The following ZNF462 variants were observed in gnomAD, a reference collection of about 807,000 sequenced individuals.
The protein encoded by ZNF462 is zinc finger PBX1-interacting protein.
A neutral mutation model predicts 201.9 loss-of-function variants in ZNF462; 10 were observed. The ratio of observed to expected loss-of-function variants is 0.05; its 90% CI spans 0.03 to 0.08. ZNF462 has a LOEUF of 0.08. ZNF462 is among the 10% of genes least tolerant of loss of function. The pLI is 1.00. For synonymous variants in ZNF462, 1,227 were observed against 1,193.3 expected, an observed-to-expected ratio of 1.03 and a Z score of -0.58; for missense variants, 2,523 against 3,168.3, an observed-to-expected ratio of 0.80 and a Z score of 4.89.
chr9:106,984,530 T>G lies in ZNF462; in HGVS notation c.7056+121T>G. 1 of 773,510 alleles carries G rather than the reference T, an allele frequency of 1.3e-6. No homozygotes were observed. The highest frequency in any genetic ancestry group is 1.9e-5 in the South Asian group (1 of 51,304). 47.9% of individuals were successfully genotyped at this position (773,510 alleles called of 1,614,324 possible). ...AGATGGAGATGTGGACTCAAAGAGC[T>G]TTTAAAGTGAGGTCTAGTTTCTTCT... On this transcript the variant is annotated intron_variant, in intron 10 of 12. Coordinates refer to ENST00000277225, the MANE Select transcript of ZNF462 (RefSeq NM_021224.6). This position sits in a 1 kb window ranked among gnomAD's most constrained non-coding sequence, Gnocchi z 6.4.
At position 106,885,947 on chromosome 9, in the gene ZNF462, T is replaced by C. The variant is rs1003141433; in HGVS notation, c.-31+22592T>C. Among the ~76,000 whole-genome samples, 6 of 152,208 alleles carry C rather than the reference T, an allele frequency of 3.9e-5. No individual in the cohort carries two copies. Among genetic ancestry groups the C allele is most frequent in the Admixed American group, 3.9e-4 (6 of 15,292 alleles). ...CATGTTCTGATAATTATTTGCTCTT[T>C]GGATATTTCCTCATCTAGATAGACG... On this transcript the variant is annotated intron_variant, in intron 1 of 12. Transcript: ENST00000277225. The surrounding 1 kb of genome is among the most constrained non-coding windows in gnomAD (Gnocchi z 4.1).
rs962253808 is a variant in ZNF462, at chr9:107,012,439, CTTTTTTTTTTTT to C, written c.*1423_*1434del. ...GCCTGGAGAACTACTTTCTTTCTTT[CTTTTTTTTTTTT>C]TTTTTTTTTTTTTAAATCTAGCTGC... On this transcript the variant is annotated 3_prime_UTR_variant, in exon 13 of 13. Transcript: ENST00000277225. 2 of 86,312 alleles carry C rather than the reference CTTTTTTTTTTTT, an allele frequency of 2.3e-5. No individual in the cohort carries two copies. The allele number at this position is 86,312 out of a possible 1,614,324, so 5.3% of individuals were successfully genotyped here. A position where few individuals can be genotyped will look rare whatever the true frequency, so the allele number is the denominator to read the frequency against.
At chr9:106,951,032 G>T (rs1831322000) in intron 7 of ZNF462, among the ~76,000 whole-genome samples, 1 of 151,434 alleles carries the variant, frequency 6.6e-6, no homozygotes, top group African/African-American at 2.4e-5. Context: ...AGAGGTTGCA[G>T]TGAGCCGAGA....
intron 7 of ZNF462, among the ~76,000 whole-genome samples, chr9:106,960,136 C>T (rs994179900): frequency 6.6e-6 from 1 of 152,106 alleles, no homozygotes. Context: ...TCTTGATCAA[C>T]CATAGCCTTT....
intron 1 of ZNF462, among the ~76,000 whole-genome samples, chr9:106,914,126 A>C (rs1435485810): frequency 1.3e-5 from 2 of 150,014 alleles, no homozygotes; most frequent in East Asian, 1.9e-4. Context: ...AGGGCTGCTA[A>C]GATCATTTAG....
rs1826802541 is a variant in ZNF462 at position 106,974,045 on chromosome 9, T to TGGACATATATAACGGGTTTGCC, written c.6696-91_6696-70dup. On this transcript the variant is annotated intron_variant, in intron 8 of 12. Coordinates refer to ENST00000277225, the MANE Select transcript of ZNF462 (RefSeq NM_021224.6). This position sits in a 1 kb window ranked among gnomAD's most constrained non-coding sequence, Gnocchi z 4.0. ...GCCCCACAAGCAGGAGAGCCGCACT[T>TGGACATATATAACGGGTTTGCC]GGACATATATAACGGGTTTGCCAGC... is the stretch of plus-strand genomic sequence containing the variant. The TGGACATATATAACGGGTTTGCC allele has an allele frequency of 3.3e-6, 5 of 1,533,326 alleles. No individual in the cohort carries two copies. Among genetic ancestry groups the TGGACATATATAACGGGTTTGCC allele is most frequent in the Non-Finnish European group, 3.6e-6 (4 of 1,121,806 alleles). The allele number at this position is 1,533,326 out of a possible 1,614,324, so 95.0% of individuals were successfully genotyped here.
intron 7 of ZNF462, among the ~76,000 whole-genome samples, chr9:106,942,012 C>G (rs1830894268): frequency 6.6e-6 from 1 of 152,166 alleles, no homozygotes; most frequent in African/African-American, 2.4e-5. Flanking sequence ...GGGCTATTGG[C>G]TCACAGTTAA....
At chr9:106,940,751 T>C (rs1017897229) in intron 7 of ZNF462, among the ~76,000 whole-genome samples, 1 of 152,012 alleles carries the variant, frequency 6.6e-6, no homozygotes, top group East Asian at 1.9e-4. Context: ...AAGCCTGTAG[T>C]GTTTTTTTTT....
chr9:106,926,675 G>A lies in ZNF462; in HGVS notation c.2763G>A (p.Ser921=), dbSNP rs370021273. ...TGAATGTACTCAACTTTGATCACTC[G>A]GACCTGATCTACCGGTGTCGGTTTT... ...EAMNVLNFDH[S]DLIYRCRFCS... is the part of the protein sequence containing the mutation. Residue 921 remains serine (S), a synonymous_variant, in exon 3 of 13, where the codon TCG becomes TCA. Coordinates refer to ENST00000277225, the MANE Select transcript of ZNF462 (RefSeq NM_021224.6). The surrounding 1 kb of genome is among the most constrained non-coding windows in gnomAD (Gnocchi z 7.9). 32 of 1,613,860 alleles carry A rather than the reference G, an allele frequency of 2.0e-5. No homozygotes were observed. Among genetic ancestry groups the A allele is most frequent in the Non-Finnish European group, 2.5e-5 (30 of 1,180,010 alleles).
At position 107,003,272 on chromosome 9, in the gene ZNF462, C is replaced by T. The variant is rs1358112336; in HGVS notation, c.7057-22C>T. The T allele has an allele frequency of 1.2e-6, 2 of 1,612,480 alleles. No homozygotes were observed. Among genetic ancestry groups the T allele is most frequent in the African/African-American group, 2.7e-5 (2 of 74,834 alleles). On this transcript the variant is annotated intron_variant, in intron 10 of 12. Transcript: ENST00000277225. The surrounding 1 kb of genome is among the most constrained non-coding windows in gnomAD (Gnocchi z 4.4). ...TTTGGTCTGCGGTTTATTATTCCAT[C>T]ATTTGTTTGGGCCTTTTTCAGGTAA...
At chr9:106,877,941 G>A (rs921041324) in intron 1 of ZNF462, among the ~76,000 whole-genome samples, 6 of 152,286 alleles carry the variant, frequency 3.9e-5, no homozygotes, top group Admixed American at 3.9e-4. Flanking sequence ...AAGAGTAGGA[G>A]CTGAACCCCA....
In ZNF462 at chr9:106,946,925, C is replaced by G. The variant is rs549599831; in HGVS notation, c.6427+7818C>G. ...TTACATACATTCTGATTGTATGTCC[C>G]AGGAAAGCATGTCCAAATGTTGTAC... On this transcript the variant is annotated intron_variant, in intron 7 of 12. Coordinates refer to ENST00000277225, the MANE Select transcript of ZNF462 (RefSeq NM_021224.6). Among the ~76,000 whole-genome samples, 19 of 152,204 alleles carry G rather than the reference C, an allele frequency of 1.2e-4. 1 individual carries two copies. In the Middle Eastern group the frequency reaches 0.01, roughly 82 times the overall value.
At position 106,890,956 on chromosome 9, in the gene ZNF462, G is replaced by A. The variant is rs1296297568; in HGVS notation, c.-31+27601G>A. 1.3e-5 allele frequency among the ~76,000 whole-genome samples: 2 copies of A among 152,144 alleles called. No individual in the cohort carries two copies. Among genetic ancestry groups the A allele is most frequent in the Non-Finnish European group, 2.9e-5 (2 of 68,006 alleles). On this transcript the variant is annotated intron_variant, in intron 1 of 12. Transcript: ENST00000277225. This position sits in a 1 kb window ranked among gnomAD's most constrained non-coding sequence, Gnocchi z 4.2. ...CTTTGTACCTTTCTGGTTGAGTAAA[G>A]AATAAGATAGTCTTTTTCTTTTTTG... is the stretch of plus-strand genomic sequence containing the variant.
chr9:106,891,282 T>G (rs978337528), intron 1 of ZNF462, among the ~76,000 whole-genome samples: 3 of 152,252 alleles, frequency 2.0e-5, no homozygotes, highest in Non-Finnish European at 4.4e-5. Context: ...CTTTCTTGAT[T>G]TTTAAAATCT....
intron 1 of ZNF462, among the ~76,000 whole-genome samples, chr9:106,903,340 G>A (rs192263814): frequency 6.6e-6 from 1 of 152,032 alleles, no homozygotes; most frequent in Non-Finnish European, 1.5e-5. Context: ...TCATTTTGTG[G>A]CCTATCATAT....
chr9:106,916,767 C>T (rs1331894578), intron 1 of ZNF462, among the ~76,000 whole-genome samples: 2 of 152,172 alleles, frequency 1.3e-5, no homozygotes, highest in Admixed American at 1.3e-4. Context: ...TCTCATTTAT[C>T]ATGGTTGCAT....
At chr9:106,892,386 C>T (rs1452251192) in intron 1 of ZNF462, among the ~76,000 whole-genome samples, 1 of 152,124 alleles carries the variant, frequency 6.6e-6, no homozygotes, top group African/African-American at 2.4e-5. Context: ...TATTTTTAGG[C>T]ATCATCAAAC....
rs368434088 is a variant in ZNF462 at position 106,968,537 on chromosome 9, G to GGGTT, written c.6428-3441_6428-3438dup. On this transcript the variant is annotated intron_variant, in intron 7 of 12. Transcript: ENST00000277225. This position sits in a 1 kb window ranked among gnomAD's most constrained non-coding sequence, Gnocchi z 4.0. ...CTCTTTTCTCAGACTGTATGTGTCA[G>GGGTT]GGTTGGTTGGTTGGTTGGTTGGTTG... Among the ~76,000 whole-genome samples, 8,974 of 151,968 alleles carry GGGTT rather than the reference G, an allele frequency of 0.059. 767 individuals carry two copies. The highest frequency in any genetic ancestry group is 0.2 in the African/African-American group (8,128 of 41,304).
chr9:106,937,663 CTG>C (rs1486567311), intron 6 of ZNF462, among the ~76,000 whole-genome samples: 2 of 152,056 alleles, frequency 1.3e-5, no homozygotes, highest in South Asian at 2.1e-4. Context: ...GTCATTTTCT[CTG>C]TAATTATTTT....
Sources: allele counts gnomAD v4.1 joint callset (sites outside exome capture counted in the v4.1 genomes callset), GRCh38; gene constraint gnomAD v4.1.1; non-coding constraint Gnocchi (gnomAD v3.1); transcripts MANE v1.5; gene names NCBI Gene and HGNC (gene_info 2026-07-23, HGNC 2026-07-21).